The following TUBGCP3 variants were observed in gnomAD, a reference collection of about 807,000 sequenced individuals.
TUBGCP3 encodes tubulin gamma complex component 3.
Under a neutral mutation model 123.1 loss-of-function variants are expected in TUBGCP3, and 50 were observed. The observed-to-expected ratio is 0.41, with a 90% CI of 0.32 to 0.51. The LOEUF is 0.51. Ranked by LOEUF, TUBGCP3 falls within the 20% of genes least tolerant of loss-of-function variation. The pLI is 0.36. For synonymous variants in TUBGCP3, 405 were observed against 413.9 expected (o/e 0.98, Z 0.26); for missense variants, 882 against 1,127.0 (o/e 0.78, Z 3.11).
chr13:112,575,189 T>G (rs1881714113), intron 1 of TUBGCP3, among the ~76,000 whole-genome samples: 1 of 152,102 alleles, frequency 6.6e-6, no homozygotes, highest in Non-Finnish European at 1.5e-5. Flanking sequence ...AAGTCACCCC[T>G]TAAAGCTGTG....
chr13:112,569,165 T>C lies in TUBGCP3; in HGVS notation c.171A>G (p.Lys57=). 1 of 1,614,158 alleles carries C rather than the reference T, an allele frequency of 6.2e-7. No individual in the cohort carries two copies. The highest frequency in any genetic ancestry group is 8.5e-7 in the Non-Finnish European group (1 of 1,180,030). The change falls in exon 2 of 22, where the codon AAA becomes AAG. Residue 57 remains lysine, a synonymous_variant. Transcript: ENST00000261965. ...AAAAATACGTACGCTCTTTCTTGAT[T>C]TTTTCAGCTACTAAAAATTCATCTC... is the stretch of plus-strand genomic sequence containing the variant. ...VERDEFLVAE[K]IKKELIRQRR...
chr13:112,589,591 A>T (rs1049460904), upstream of TUBGCP3, among the ~76,000 whole-genome samples: 5 of 152,254 alleles, frequency 3.3e-5, no homozygotes, highest in Non-Finnish European at 5.9e-5. Context: ...AGAGTAGCTC[A>T]TAACTTTGGA....
intron 13 of TUBGCP3, among the ~76,000 whole-genome samples, chr13:112,525,548 G>A (rs1270653113): frequency 4.6e-5 from 7 of 152,172 alleles, no homozygotes; most frequent in Non-Finnish European, 1.0e-4. Context: ...AATGAACCAT[G>A]ACAATATAAA....
intron 14 of TUBGCP3, among the ~76,000 whole-genome samples, chr13:112,522,056 G>A (rs1041627160): frequency 6.6e-6 from 1 of 152,162 alleles, no homozygotes; most frequent in African/African-American, 2.4e-5. Flanking sequence ...CATGAAGACT[G>A]TAAGCCCCAC....
At position 112,554,150 on chromosome 13, in the gene TUBGCP3, T is replaced by C. The variant is rs1359684306; in HGVS notation, c.873A>G (p.Ala291=). ...ACCATCCCAACTCAGAAAGCCTGAC[T>C]GCTGTGTCTCTCAAAGACCTACTTA... is the stretch of plus-strand genomic sequence containing the variant. ...ANLSRSLRDT[A]VRLSELGWLH... is the part of the protein sequence containing the mutation. The change falls in exon 8 of 22, where the codon GCA becomes GCG. Residue 291 remains alanine, a synonymous_variant. Transcript: ENST00000261965. The C allele has an allele frequency of 6.2e-7, 1 of 1,614,088 alleles. No individual in the cohort carries two copies. The highest frequency in any genetic ancestry group is 1.3e-5 in the African/African-American group (1 of 74,928).
At chr13:112,489,752 A>G (rs530981276) in intron 20 of TUBGCP3, 55 bp from the exon 21 acceptor site, 59 of 1,460,754 alleles carry the variant, frequency 4.0e-5, no homozygotes, top group African/African-American at 8.3e-5. Context: ...AACAGATTAC[A>G]GAGTAGGGCT....
chr13:112,512,032 T>C (rs1881703518), intron 17 of TUBGCP3, among the ~76,000 whole-genome samples: 1 of 152,248 alleles, frequency 6.6e-6, no homozygotes. Flanking sequence ...TATCATTACA[T>C]TTTAGACAAG....
At chr13:112,571,783 T>C (rs1881413624) in intron 1 of TUBGCP3, among the ~76,000 whole-genome samples, 1 of 152,252 alleles carries the variant, frequency 6.6e-6, no homozygotes, top group African/African-American at 2.4e-5. Flanking sequence ...TAGTTCTGGA[T>C]GACTTGCTGC....
At chr13:112,529,389 C>CA (rs1260098363) in intron 11 of TUBGCP3, among the ~76,000 whole-genome samples, 1 of 152,204 alleles carries the variant, frequency 6.6e-6, no homozygotes, top group Non-Finnish European at 1.5e-5. Context: ...TTGACTATAT[C>CA]AAAAAATGCT....
the TUBGCP3 span, among the ~76,000 whole-genome samples, chr13:112,597,700 G>T: frequency 6.6e-6 from 1 of 151,828 alleles, no homozygotes; most frequent in Non-Finnish European, 1.5e-5. Flanking sequence ...GACCTTAACA[G>T]CAGTTTAGAT....
intron 8 of TUBGCP3, among the ~76,000 whole-genome samples, chr13:112,553,654 G>A (rs1008816476): frequency 2.0e-5 from 3 of 152,166 alleles, no homozygotes; most frequent in Non-Finnish European, 4.4e-5. Context: ...CTGCCTCACC[G>A]TGCTGCCTGG....
At chr13:112,490,026 A>T (rs1350682404) in intron 20 of TUBGCP3, among the ~76,000 whole-genome samples, 1 of 152,152 alleles carries the variant, frequency 6.6e-6, no homozygotes, top group Non-Finnish European at 1.5e-5. Flanking sequence ...CGTGCTGTAC[A>T]CGTTTTTATA....
chr13:112,573,939 T>C (rs1881609664), intron 1 of TUBGCP3, among the ~76,000 whole-genome samples: 1 of 152,236 alleles, frequency 6.6e-6, no homozygotes, highest in African/African-American at 2.4e-5. Context: ...GAACTATGAG[T>C]GGCACCTGGA....
chr13:112,588,242 C>A (rs1313119295), upstream of TUBGCP3: 4 of 330,922 alleles, frequency 1.2e-5, no homozygotes, highest in African/African-American at 2.1e-5. Context: ...TGGTGCATTC[C>A]CCCTGCTGCT....
At chr13:112,541,961 C>T (rs911262367) in intron 11 of TUBGCP3, among the ~76,000 whole-genome samples, 2 of 151,990 alleles carry the variant, frequency 1.3e-5, no homozygotes, top group African/African-American at 4.8e-5. Flanking sequence ...TTAAAGATTG[C>T]CTTAAAATAT....
At chr13:112,548,053 C>A in intron 9 of TUBGCP3, 55 bp downstream of exon 9, 1 of 1,352,964 alleles carries the variant, frequency 7.4e-7, no homozygotes, top group South Asian at 1.5e-5. Flanking sequence ...TATATAGCTT[C>A]AATTTTGTAA....
intron 19 of TUBGCP3, among the ~76,000 whole-genome samples, chr13:112,502,061 GAA>G (rs1352022126): frequency 1.3e-5 from 2 of 152,166 alleles, no homozygotes; most frequent in Non-Finnish European, 2.9e-5. Flanking sequence ...AACATTTTCT[GAA>G]ATGCATGAAA....
rs1241125513 is a variant in TUBGCP3 at position 112,526,987 on chromosome 13, T to C, written c.1510A>G (p.Thr504Ala). 1 of 1,614,228 alleles carries C rather than the reference T, an allele frequency of 6.2e-7. No individual in the cohort carries two copies. The highest frequency in any genetic ancestry group is 1.1e-5 in the South Asian group (1 of 91,090). ...GACTTGGTCACAGCTATCATCTTTG[T>C]AGTGGGAGTCTGATCATGACAAACT... ...HQVCHDQTPTTKMIAVTKSAE... is the reference protein window; with the variant it reads ...HQVCHDQTPTAKMIAVTKSAE... Residue 504 changes from threonine (T) to alanine (A), a missense_variant, in exon 13 of 22, where the codon ACA (threonine) becomes GCA (alanine). By Grantham distance (58) the Thr-to-Ala change is moderately conservative. Transcript: ENST00000261965.
chr13:112,574,070 A>C (rs1881622181), intron 1 of TUBGCP3, among the ~76,000 whole-genome samples: 1 of 151,390 alleles, frequency 6.6e-6, no homozygotes. Flanking sequence ...AGAATCTTCA[A>C]GTGGGCACTC....
Sources: allele counts gnomAD v4.1 joint callset (sites outside exome capture counted in the v4.1 genomes callset), GRCh38; gene constraint gnomAD v4.1.1; transcripts MANE v1.5; gene names NCBI Gene and HGNC (gene_info 2026-07-23, HGNC 2026-07-21).